The following SERPINI1 variants were observed in gnomAD, a reference collection of about 807,000 sequenced individuals.
SERPINI1 encodes the protein serpin family I member 1.
SERPINI1 carries 19 observed loss-of-function variants against 41.1 expected under a neutral mutation model. The observed-to-expected ratio is 0.46, with a 90% CI of 0.32 to 0.68. The LOEUF (loss-of-function observed/expected upper bound fraction) is 0.68. Ranked by LOEUF, SERPINI1 falls within the 30% of genes least tolerant of loss-of-function variation. The pLI, the probability that SERPINI1 is intolerant of heterozygous loss-of-function variation, is 0.03. For missense variants in SERPINI1, 460 were observed against 479.2 expected (o/e 0.96, Z 0.37); for synonymous variants, 138 against 156.6 (o/e 0.88, Z 0.89).
intron 6 of SERPINI1, among the ~76,000 whole-genome samples, chr3:167,816,976 G>A (rs541602363): frequency 6.6e-6 from 1 of 152,146 alleles, no homozygotes; most frequent in African/African-American, 2.4e-5. Context: ...GCCTGATGGA[G>A]GTCCTTATAG....
At chr3:167,750,498 C>G (rs1013698849) in intron 1 of SERPINI1, among the ~76,000 whole-genome samples, 14 of 152,174 alleles carry the variant, frequency 9.2e-5, no homozygotes, top group African/African-American at 3.4e-4. Flanking sequence ...CATGTGAAGG[C>G]TATTATTAGT....
intron 5 of SERPINI1, 117 bp downstream of exon 5, chr3:167,794,941 C>A: frequency 1.3e-6 from 1 of 786,916 alleles, no homozygotes; most frequent in Non-Finnish European, 2.2e-6. Context: ...CCACTCTCTT[C>A]TTATTCTTGT....
At chr3:167,780,218 A>G (rs1425617404) in intron 1 of SERPINI1, among the ~76,000 whole-genome samples, 3 of 152,162 alleles carry the variant, frequency 2.0e-5, no homozygotes, top group African/African-American at 7.2e-5. Flanking sequence ...TTCATAGTGC[A>G]TTTCCTGATT....
chr3:167,822,770 A>C (rs1186317781), intron 6 of SERPINI1, among the ~76,000 whole-genome samples: 1 of 152,094 alleles, frequency 6.6e-6, no homozygotes, highest in Non-Finnish European at 1.5e-5. Flanking sequence ...ACCACCAATA[A>C]AAACAGAAAA....
chr3:167,746,694 C>G (rs1257939165), intron 1 of SERPINI1, among the ~76,000 whole-genome samples: 1 of 152,118 alleles, frequency 6.6e-6, no homozygotes. Flanking sequence ...AAATCAAAAC[C>G]ACAGTGAGCT....
intron 1 of SERPINI1, among the ~76,000 whole-genome samples, chr3:167,786,658 T>C (rs1240754413): frequency 6.6e-6 from 1 of 152,202 alleles, no homozygotes; most frequent in Non-Finnish European, 1.5e-5. Context: ...AACATTACTG[T>C]ATGTTACCGT....
chr3:167,744,630 TTTTATA>T (rs1471900344), intron 1 of SERPINI1, among the ~76,000 whole-genome samples: 1 of 136,396 alleles, frequency 7.3e-6, no homozygotes, highest in Non-Finnish European at 1.5e-5. Flanking sequence ...TATTTAAATA[TTTTATA>T]TTTATATATA....
At chr3:167,767,520 A>G (rs1726605785) in intron 1 of SERPINI1, among the ~76,000 whole-genome samples, 2 of 152,192 alleles carry the variant, frequency 1.3e-5, no homozygotes. Flanking sequence ...TATATTTTGT[A>G]TGTTTATAGA....
intron 1 of SERPINI1, among the ~76,000 whole-genome samples, chr3:167,742,886 A>G (rs1725726802): frequency 6.6e-6 from 1 of 151,392 alleles, no homozygotes; most frequent in Non-Finnish European, 1.5e-5. Context: ...TAACCTTCCC[A>G]TACCAAGTGT....
chr3:167,787,640 C>G (rs1184369366), intron 1 of SERPINI1, among the ~76,000 whole-genome samples: 3 of 152,216 alleles, frequency 2.0e-5, no homozygotes, highest in Non-Finnish European at 1.5e-5. Context: ...CATTAGCTGT[C>G]ATCCCATTAG....
At chr3:167,779,380 G>A (rs1454586387) in intron 1 of SERPINI1, among the ~76,000 whole-genome samples, 1 of 151,878 alleles carries the variant, frequency 6.6e-6, no homozygotes, top group Non-Finnish European at 1.5e-5. Context: ...GAATATATAA[G>A]CCTTCAGAAA....
At chr3:167,754,495 A>C (rs1167254288) in intron 1 of SERPINI1, among the ~76,000 whole-genome samples, 3 of 152,232 alleles carry the variant, frequency 2.0e-5, no homozygotes, top group Non-Finnish European at 4.4e-5. Flanking sequence ...TTTCTTTAGT[A>C]TATGTACACT....
intron 5 of SERPINI1, among the ~76,000 whole-genome samples, chr3:167,801,856 A>G (rs78264445): frequency 1.3e-5 from 2 of 152,164 alleles, no homozygotes; most frequent in Admixed American, 6.5e-5. Context: ...CCTATCTTCA[A>G]CTTTGAACAA....
At chr3:167,773,682 C>G (rs1726868219) in intron 1 of SERPINI1, among the ~76,000 whole-genome samples, 1 of 152,152 alleles carries the variant, frequency 6.6e-6, no homozygotes. Context: ...TTTAGAAATA[C>G]CTCTATTACA....
intron 1 of SERPINI1, among the ~76,000 whole-genome samples, chr3:167,747,981 C>T (rs1247220756): frequency 6.6e-6 from 1 of 150,474 alleles, no homozygotes; most frequent in Non-Finnish European, 1.5e-5. Flanking sequence ...AAAGCCTAAG[C>T]AACTTTAAGC....
intron 1 of SERPINI1, among the ~76,000 whole-genome samples, chr3:167,785,986 G>A (rs888927448): frequency 1.3e-5 from 2 of 152,088 alleles, no homozygotes; most frequent in Admixed American, 6.5e-5. Context: ...CAACATCACC[G>A]AGTATACTTA....
chr3:167,772,481 G>C (rs1266241989), intron 1 of SERPINI1, among the ~76,000 whole-genome samples: 1 of 151,968 alleles, frequency 6.6e-6, no homozygotes, highest in Non-Finnish European at 1.5e-5. Context: ...TTCTTATTGG[G>C]ATTTTAAAAT....
chr3:167,809,394 A>C (rs1179508537), intron 6 of SERPINI1, among the ~76,000 whole-genome samples: 1 of 152,202 alleles, frequency 6.6e-6, no homozygotes, highest in African/African-American at 2.4e-5. Context: ...ACATCTAGGA[A>C]GTTATTTCAA....
intron 1 of SERPINI1, among the ~76,000 whole-genome samples, chr3:167,769,874 GA>G (rs1326197477): frequency 6.6e-6 from 1 of 150,690 alleles, no homozygotes; most frequent in Non-Finnish European, 1.5e-5. Context: ...AATTTTGGTT[GA>G]TTTTTTTAAT....
Sources: allele counts gnomAD v4.1 joint callset (sites outside exome capture counted in the v4.1 genomes callset), GRCh38; gene constraint gnomAD v4.1.1; transcripts MANE v1.5; gene names NCBI Gene and HGNC (gene_info 2026-07-23, HGNC 2026-07-21).